ATP10B: variants seen among roughly 807,000 people sequenced by gnomAD.
ATP10B encodes phospholipid-transporting ATPase VB.
A neutral mutation model predicts 141.2 loss-of-function variants in ATP10B; 122 were observed. The observed-to-expected ratio is 0.86, with a 90% CI of 0.75 to 1.00. The LOEUF is 1.00. ATP10B is among the 50% of genes least tolerant of loss of function. The pLI is 0.00. For synonymous variants in ATP10B, 685 were observed against 692.0 expected (o/e 0.99, Z 0.16); for missense variants, 1,876 against 1,825.3 (o/e 1.03, Z -0.51).
At chr5:160,853,854 G>A (rs529935591), upstream of ATP10B, among the ~76,000 whole-genome samples, 1 of 152,234 alleles carries the variant, frequency 6.6e-6, no homozygotes, top group Non-Finnish European at 1.5e-5. Context: ...CTGGAATTTT[G>A]TAATAAATCA....
the ATP10B span, among the ~76,000 whole-genome samples, chr5:160,889,600 A>G: frequency 6.6e-6 from 1 of 152,208 alleles, no homozygotes; most frequent in Non-Finnish European, 1.5e-5. Flanking sequence ...TGCACTGAAG[A>G]CACATCAGTG....
At chr5:160,577,263 T>C (rs953839804) in intron 24 of ATP10B, among the ~76,000 whole-genome samples, 4 of 152,154 alleles carry the variant, frequency 2.6e-5, no homozygotes, top group Non-Finnish European at 5.9e-5. Flanking sequence ...TCTCTAGCAG[T>C]AGTTGGCTTT....
chr5:160,843,116 C>T (rs1319176788), intron 1 of ATP10B, among the ~76,000 whole-genome samples: 1 of 151,994 alleles, frequency 6.6e-6, no homozygotes, highest in African/African-American at 2.4e-5. Context: ...TACATAATGA[C>T]CAGGTGGCAT....
intron 14 of ATP10B, among the ~76,000 whole-genome samples, chr5:160,621,860 C>T (rs913809070): frequency 6.6e-6 from 1 of 152,162 alleles, no homozygotes; most frequent in Non-Finnish European, 1.5e-5. Flanking sequence ...GAACATTACA[C>T]ACAGTATTAT....
upstream of ATP10B, among the ~76,000 whole-genome samples, chr5:160,852,793 T>C (rs1296762157): frequency 1.3e-5 from 2 of 152,114 alleles, no homozygotes; most frequent in Admixed American, 6.6e-5. Context: ...TACCTACAAC[T>C]CAACTAATTG....
chr5:160,658,023 C>G, intron 7 of ATP10B, among the ~76,000 whole-genome samples: 1 of 152,168 alleles, frequency 6.6e-6, no homozygotes, highest in East Asian at 1.9e-4. Context: ...AGATCCAACA[C>G]TTTGTACCTC....
At chr5:160,784,436 TTTC>T (rs886697061) in intron 2 of ATP10B, among the ~76,000 whole-genome samples, 16 of 152,322 alleles carry the variant, frequency 1.1e-4, no homozygotes, top group African/African-American at 3.8e-4. Flanking sequence ...GGTGGAGGAT[TTTC>T]TTAAGCAGTT....
chr5:160,796,065 T>C (rs1032097450), intron 1 of ATP10B, among the ~76,000 whole-genome samples: 4 of 152,192 alleles, frequency 2.6e-5, no homozygotes, highest in African/African-American at 4.8e-5. Context: ...TTTAGTGACC[T>C]CACCACACCA....
the ATP10B span, among the ~76,000 whole-genome samples, chr5:160,891,022 T>C: frequency 8.6e-5 from 13 of 152,044 alleles, no homozygotes; most frequent in South Asian, 2.7e-3. Context: ...TGTGTGTGTA[T>C]GTATGTGCGT....
chr5:160,827,023 C>G (rs547849790), intron 1 of ATP10B, among the ~76,000 whole-genome samples: 4 of 152,158 alleles, frequency 2.6e-5, no homozygotes, highest in Admixed American at 6.5e-5. Context: ...CTCAGAAGCA[C>G]GTGATCTTTG....
At chr5:160,683,212 T>C (rs1581349233) in intron 6 of ATP10B, among the ~76,000 whole-genome samples, 2 of 152,186 alleles carry the variant, frequency 1.3e-5, no homozygotes, top group African/African-American at 4.8e-5. Context: ...TAACTCTGGC[T>C]GTCCAGTGTG....
At chr5:160,599,585 G>C (rs546661266) in intron 21 of ATP10B, among the ~76,000 whole-genome samples, 1 of 152,188 alleles carries the variant, frequency 6.6e-6, no homozygotes, top group Non-Finnish European at 1.5e-5. Context: ...TGACAAAGGG[G>C]TAATAGAAAG....
chr5:160,734,325 TAA>T (rs1766960015), intron 2 of ATP10B, among the ~76,000 whole-genome samples: 1 of 152,042 alleles, frequency 6.6e-6, no homozygotes, highest in South Asian at 2.1e-4. Context: ...TATATAAATG[TAA>T]AAGAGACTCT....
At chr5:160,922,573 T>C in the ATP10B span, among the ~76,000 whole-genome samples, 1 of 152,308 alleles carries the variant, frequency 6.6e-6, no homozygotes, top group South Asian at 2.1e-4. Context: ...GAGATGTCAA[T>C]AGAAGACAAT....
chr5:160,610,024 C>T (rs1430120697), intron 18 of ATP10B, among the ~76,000 whole-genome samples: 1 of 152,056 alleles, frequency 6.6e-6, no homozygotes, highest in Non-Finnish European at 1.5e-5. Flanking sequence ...TTTAGTATAC[C>T]TCCTATACTG....
At chr5:160,780,349 C>T (rs1770631969) in intron 2 of ATP10B, among the ~76,000 whole-genome samples, 1 of 134,868 alleles carries the variant, frequency 7.4e-6, no homozygotes, top group African/African-American at 2.8e-5. Flanking sequence ...TTGGTGATTT[C>T]ATAGAACATA....
chr5:160,715,929 T>C (rs1765622261), intron 3 of ATP10B, among the ~76,000 whole-genome samples: 1 of 152,082 alleles, frequency 6.6e-6, no homozygotes, highest in African/African-American at 2.4e-5. Flanking sequence ...CAGGCTGGTC[T>C]TGAACTCCTG....
chr5:160,622,339 C>A (rs1456492219), intron 14 of ATP10B, 55 bp downstream of exon 14: 18 of 1,522,366 alleles, frequency 1.2e-5, no homozygotes, highest in Non-Finnish European at 1.5e-5. Context: ...CCCTACCCTG[C>A]CTTCTACTCC....
the ATP10B span, among the ~76,000 whole-genome samples, chr5:160,912,072 A>G: frequency 6.6e-6 from 1 of 152,190 alleles, no homozygotes; most frequent in Non-Finnish European, 1.5e-5. Flanking sequence ...GATTACATCT[A>G]TAGGTGTTGA....
Sources: gnomAD v4.1 joint callset for allele counts (sites outside exome capture counted in the v4.1 genomes callset) on GRCh38, gnomAD v4.1.1 for gene constraint, MANE v1.5 for transcripts, NCBI Gene and HGNC (gene_info 2026-07-23, HGNC 2026-07-21) for gene names.